SLC1A2: variants seen among roughly 807,000 people sequenced by gnomAD.
SLC1A2 encodes solute carrier family 1 member 2.
SLC1A2 carries 15 observed loss-of-function variants against 48.8 expected under a neutral mutation model. That is an observed-to-expected ratio of 0.31 (90% CI 0.21 to 0.47). SLC1A2 has a LOEUF of 0.47. SLC1A2 is among the 20% of genes least tolerant of loss of function. SLC1A2 has a pLI of 0.99. For missense variants in SLC1A2, 502 were observed against 730.5 expected, an observed-to-expected ratio of 0.69 and a Z score of 3.61; for synonymous variants, 279 against 272.6, an observed-to-expected ratio of 1.02 and a Z score of -0.23.
intron 5 of SLC1A2, among the ~76,000 whole-genome samples, chr11:35,302,704 T>G (rs374930026): frequency 6.6e-5 from 10 of 151,908 alleles, no homozygotes; most frequent in East Asian, 5.8e-4. Flanking sequence ...CTACCACTCC[T>G]GTTGGTCCCT....
At position 35,309,430 on chromosome 11, in the gene SLC1A2, T is replaced by G. The variant is rs554526435; in HGVS notation, c.561+2768A>C. Among the ~76,000 whole-genome samples, 217 of 152,308 alleles carry G rather than the reference T, an allele frequency of 1.4e-3. 1 individual carries two copies. The highest frequency in any genetic ancestry group is 2.4e-3 in the Admixed American group (37 of 15,298). On this transcript the variant is annotated intron_variant, in intron 4 of 10. Coordinates refer to ENST00000278379, the MANE Select transcript of SLC1A2 (RefSeq NM_004171.4). ...ATGCGGTCTCTATTACTGGGCTGGA[T>G]TTAACGTTGTAAGGTCATATCTTAC... is the stretch of plus-strand genomic sequence containing the variant.
rs200549239 is a variant in SLC1A2 at position 35,415,768 on chromosome 11, G to A, written c.17+3182C>T. Among the ~76,000 whole-genome samples the A allele has an allele frequency of 2.6e-3, 395 of 149,614 alleles. 2 individuals carry two copies. Among genetic ancestry groups the A allele is most frequent in the African/African-American group, 9.5e-3 (380 of 40,000 alleles). The stretch of plus-strand genomic sequence containing the variant: ...CATGGCTGGCTTTCCCCTGACCCTT[G>A]GCTCCTGGGAGCTGATCAGAAGACA... On this transcript the variant is annotated intron_variant, in intron 1 of 10. Coordinates refer to ENST00000278379, the MANE Select transcript of SLC1A2 (RefSeq NM_004171.4).
intron 1 of SLC1A2, among the ~76,000 whole-genome samples, chr11:35,339,131 G>A (rs1852744377): frequency 1.3e-5 from 2 of 152,234 alleles, no homozygotes; most frequent in South Asian, 4.1e-4. Flanking sequence ...GACAAAGAGT[G>A]ATGTCATAGC....
At chr11:35,358,138 C>T (rs1434931947) in intron 1 of SLC1A2, among the ~76,000 whole-genome samples, 1 of 150,430 alleles carries the variant, frequency 6.6e-6, no homozygotes, top group East Asian at 1.9e-4. Context: ...AGCAAGACTC[C>T]GTCTAAAAAA....
rs985451070 is a variant in SLC1A2, at chr11:35,254,180, T to C, written c.*6714A>G. 6.6e-6 allele frequency: 1 copy of C among 152,624 alleles called. No individual in the cohort carries two copies. The highest frequency in any genetic ancestry group is 2.4e-5 in the African/African-American group (1 of 41,436). The allele number at this position is 152,624 out of a possible 1,614,324, so 9.5% of individuals were successfully genotyped here. On this transcript the variant is annotated 3_prime_UTR_variant, in exon 11 of 11. Coordinates refer to ENST00000278379, the MANE Select transcript of SLC1A2 (RefSeq NM_004171.4). ...GTTTGCCAGCTCTTTCCTCAAGCTG[T>C]AGAAAACAAATAGAAAAACAATATA...
At chr11:35,285,543 C>T (rs928858538) in intron 8 of SLC1A2, 5 of 152,214 alleles carry the variant, frequency 3.3e-5, no homozygotes, top group South Asian at 2.1e-4. Context: ...CAGAATGTTA[C>T]CCACTTACTC....
chr11:35,274,640 A>C (rs1850384218), intron 9 of SLC1A2, among the ~76,000 whole-genome samples: 1 of 152,140 alleles, frequency 6.6e-6, no homozygotes. Flanking sequence ...CATGCTTGGA[A>C]CACCCAAGGA....
At chr11:35,377,091 G>A (rs1854262183) in intron 1 of SLC1A2, among the ~76,000 whole-genome samples, 1 of 152,190 alleles carries the variant, frequency 6.6e-6, no homozygotes, top group South Asian at 2.1e-4. Context: ...AATGTGCGGG[G>A]CACTGACGTA....
chr11:35,317,485 G>T lies in SLC1A2; in HGVS notation c.49C>A (p.Arg17=). The change falls in exon 2 of 11, where the codon CGA becomes AGA. Residue 17 remains arginine (R), a synonymous_variant. Transcript: ENST00000278379. ...ANNMPKQVEV[R]MHDSHLGSEE... The stretch of plus-strand genomic sequence containing the variant: ...GAGCCAAGATGACTGTCGTGCATTC[G>T]CACTTCCACCTGCTTGGGCATATTG... 1 of 1,613,976 alleles carries T rather than the reference G, an allele frequency of 6.2e-7. No homozygotes were observed. Among genetic ancestry groups the T allele is most frequent in the Admixed American group, 1.7e-5 (1 of 60,036 alleles).
At chr11:35,305,828 G>T (rs943398995) in intron 5 of SLC1A2, among the ~76,000 whole-genome samples, 1 of 152,144 alleles carries the variant, frequency 6.6e-6, no homozygotes, top group Non-Finnish European at 1.5e-5. Context: ...GCCCAATGAC[G>T]GTGAGCTCCC....
chr11:35,308,926 T>C (rs1224100423), intron 4 of SLC1A2, among the ~76,000 whole-genome samples: 1 of 152,184 alleles, frequency 6.6e-6, no homozygotes, highest in African/African-American at 2.4e-5. Flanking sequence ...TAGCTTCCCC[T>C]GGCCCACCAA....
At chr11:35,298,796 T>C (rs773804628) in intron 6 of SLC1A2, 5 of 152,226 alleles carry the variant, frequency 3.3e-5, no homozygotes, top group Non-Finnish European at 7.3e-5. Context: ...TCATCTGATG[T>C]CCTAGAAGAT....
At chr11:35,275,165 G>C (rs540449462) in intron 9 of SLC1A2, among the ~76,000 whole-genome samples, 1 of 152,338 alleles carries the variant, frequency 6.6e-6, no homozygotes, top group South Asian at 2.1e-4. Context: ...ATGCTGTTGG[G>C]AGGAGCTTCA....
intron 1 of SLC1A2, among the ~76,000 whole-genome samples, chr11:35,394,429 T>C (rs979176079): frequency 3.3e-5 from 5 of 151,956 alleles, no homozygotes; most frequent in Non-Finnish European, 7.4e-5. Flanking sequence ...AGGCCGCTTT[T>C]CAAAAATATG....
chr11:35,259,921 C>T lies in SLC1A2; in HGVS notation c.*973G>A, dbSNP rs532173357. The stretch of plus-strand genomic sequence containing the variant: ...AGTAAAATGACCAGGCTTTCTAGGA[C>T]GATGAGATGATGACTGAAATAATTG... On this transcript the variant is annotated 3_prime_UTR_variant, in exon 11 of 11. Coordinates refer to ENST00000278379, the MANE Select transcript of SLC1A2 (RefSeq NM_004171.4). The T allele has an allele frequency of 1.1e-4, 16 of 152,246 alleles. No homozygotes were observed. The East Asian group carries it at 2.1e-3, about 20-fold the overall frequency. The allele number at this position is 152,246 out of a possible 1,614,324, so 9.4% of individuals were successfully genotyped here. A position where few individuals can be genotyped will look rare whatever the true frequency, so the allele number is the denominator to read the frequency against.
chr11:35,368,781 T>C (rs1411101546), intron 1 of SLC1A2, among the ~76,000 whole-genome samples: 1 of 152,212 alleles, frequency 6.6e-6, no homozygotes, highest in Non-Finnish European at 1.5e-5. Context: ...GGCCCAGCCA[T>C]GATGTCCCTG....
chr11:35,374,936 T>C (rs912601596), intron 1 of SLC1A2, among the ~76,000 whole-genome samples: 1 of 152,224 alleles, frequency 6.6e-6, no homozygotes, highest in Non-Finnish European at 1.5e-5. Flanking sequence ...GACAGGTTCT[T>C]GGAAGCTGTA....
intron 1 of SLC1A2, among the ~76,000 whole-genome samples, chr11:35,369,625 G>A (rs531196968): frequency 4.9e-4 from 75 of 152,272 alleles, no homozygotes; most frequent in African/African-American, 1.7e-3. Context: ...GAATGACACA[G>A]CCACATACAC....
intron 1 of SLC1A2, among the ~76,000 whole-genome samples, chr11:35,330,761 G>A (rs1852400355): frequency 6.6e-6 from 1 of 152,170 alleles, no homozygotes; most frequent in Non-Finnish European, 1.5e-5. Flanking sequence ...AAAGGGCCAG[G>A]AGCCAAGGCA....
Sources: gnomAD v4.1 joint callset for allele counts (sites outside exome capture counted in the v4.1 genomes callset) on GRCh38, gnomAD v4.1.1 for gene constraint, MANE v1.5 for transcripts, NCBI Gene and HGNC (gene_info 2026-07-23, HGNC 2026-07-21) for gene names.